CFAP54: variants seen among roughly 807,000 people sequenced by gnomAD.
CFAP54 encodes cilia- and flagella-associated protein 54.
In CFAP54, 290 loss-of-function variants were observed where a neutral mutation model predicts 370.4. The observed-to-expected ratio is 0.78, with a 90% CI of 0.71 to 0.86. CFAP54 has a LOEUF of 0.86. CFAP54 is among the 40% of genes least tolerant of loss of function. CFAP54 has a pLI of 0.00. For missense variants in CFAP54, 3,399 were observed against 3,528.7 expected (o/e 0.96, Z 0.93); for synonymous variants, 1,206 against 1,236.5 (o/e 0.98, Z 0.52).
chr12:96,659,771 GC>G (rs1956971280), intron 38 of CFAP54, among the ~76,000 whole-genome samples: 1 of 152,156 alleles, frequency 6.6e-6, no homozygotes, highest in Non-Finnish European at 1.5e-5. Context: ...CTGCCCAAGG[GC>G]CCCTGGCATA....
intron 66 of CFAP54, among the ~76,000 whole-genome samples, chr12:96,849,612 T>G (rs374427074): frequency 2.0e-5 from 3 of 152,202 alleles, no homozygotes; most frequent in Non-Finnish European, 4.4e-5. Flanking sequence ...ATCTTTATTA[T>G]GATAGAATGT....
At chr12:96,664,691 ATATATC>A (rs1434081475) in intron 39 of CFAP54, among the ~76,000 whole-genome samples, 245 of 15,488 alleles carry the variant, frequency 0.016, 12 homozygotes, top group Admixed American at 0.034. Context: ...TCCTTTGGGT[ATATATC>A]TATATATATA....
In CFAP54 at chr12:96,709,163, A is replaced by G. The variant is rs373957818; in HGVS notation, c.6724+360A>G. Among the ~76,000 whole-genome samples, 4 of 152,314 alleles carry G rather than the reference A, an allele frequency of 2.6e-5. 1 individual carries two copies. Among genetic ancestry groups the G allele is most frequent in the East Asian group, 1.9e-4 (1 of 5,182 alleles). On this transcript the variant is annotated intron_variant, in intron 48 of 67. Transcript: ENST00000524981. ...CAAGTCTACTGCTTTGCTTTGGTCC[A>G]TTATATTGACTGTATAGTATTCTAG...
At position 96,854,334 on chromosome 12, in the gene CFAP54, A is replaced by AAAC. The variant is rs568220306; in HGVS notation, c.9172-6467_9172-6465dup. Among the ~76,000 whole-genome samples, 34 of 152,252 alleles carry AAAC rather than the reference A, an allele frequency of 2.2e-4. No homozygotes were observed. The South Asian group carries it at 5.4e-3, about 24-fold the overall frequency. On this transcript the variant is annotated intron_variant, in intron 66 of 67. Transcript: ENST00000524981. ...AATAAAAAATAGTAGCGAAATAGCAAAACAACAACAACAACAACAAAGATG... is the reference window on the plus strand; with the variant it reads ...AATAAAAAATAGTAGCGAAATAGCAAAACAACAACAACAACAACAACAAAGATG...
At chr12:96,622,388 T>G (rs532005852) in intron 27 of CFAP54, among the ~76,000 whole-genome samples, 1 of 133,304 alleles carries the variant, frequency 7.5e-6, no homozygotes, top group Non-Finnish European at 1.6e-5. Context: ...TCTCACTCTA[T>G]AGTCTAAGCT....
intron 38 of CFAP54, among the ~76,000 whole-genome samples, chr12:96,663,177 C>T (rs866288525): frequency 6.6e-6 from 1 of 152,128 alleles, no homozygotes. Flanking sequence ...GCTGCATTTA[C>T]TTCTCATTAT....
chr12:96,660,584 G>C (rs1450484849), intron 38 of CFAP54, among the ~76,000 whole-genome samples: 1 of 152,076 alleles, frequency 6.6e-6, no homozygotes, highest in East Asian at 1.9e-4. Flanking sequence ...TCTCTGGAGG[G>C]GAAAAAATAA....
chr12:96,563,855 A>G (rs1955838850), intron 17 of CFAP54, among the ~76,000 whole-genome samples: 1 of 152,222 alleles, frequency 6.6e-6, no homozygotes, highest in African/African-American at 2.4e-5. Flanking sequence ...CTGGGCTAGT[A>G]TAGTTGTATA....
intron 66 of CFAP54, among the ~76,000 whole-genome samples, chr12:96,852,768 A>G (rs1411366927): frequency 1.3e-5 from 2 of 152,136 alleles, no homozygotes; most frequent in Non-Finnish European, 2.9e-5. Context: ...TTTCTAGATT[A>G]TATTAAGAAT....
intron 45 of CFAP54, among the ~76,000 whole-genome samples, chr12:96,698,637 T>C (rs117357859): frequency 0.011 from 1,714 of 152,124 alleles, 62 homozygotes; most frequent in East Asian, 0.097. Flanking sequence ...TAAGGACACA[T>C]GGACACAAAG....
intron 64 of CFAP54, among the ~76,000 whole-genome samples, chr12:96,813,330 C>T (rs1213282806): frequency 1.3e-5 from 2 of 152,068 alleles, no homozygotes; most frequent in Non-Finnish European, 2.9e-5. Context: ...AACTATTTCT[C>T]TCATCCTGGG....
chr12:96,704,842 T>C (rs773236196), intron 47 of CFAP54, 46 bp downstream of exon 47: 1 of 738,510 alleles, frequency 1.4e-6, no homozygotes, highest in South Asian at 1.9e-5. Flanking sequence ...TAAGTGTGGA[T>C]AATTTTTGAG....
At chr12:96,778,928 T>C (rs909927897) in intron 60 of CFAP54, among the ~76,000 whole-genome samples, 1 of 151,866 alleles carries the variant, frequency 6.6e-6, no homozygotes, top group Non-Finnish European at 1.5e-5. Flanking sequence ...GCCAACATGG[T>C]GAAACCCTGT....
chr12:96,508,698 A>C (rs956772528), intron 4 of CFAP54, among the ~76,000 whole-genome samples: 1 of 132,732 alleles, frequency 7.5e-6, no homozygotes, highest in Non-Finnish European at 1.6e-5. Context: ...TGTGCTCTAG[A>C]TTTTATTCTG....
intron 46 of CFAP54, 64 bp from the exon 47 acceptor site, chr12:96,704,679 T>C: frequency 1.6e-6 from 1 of 634,192 alleles, no homozygotes; most frequent in East Asian, 3.8e-5. Context: ...ACACATTAAA[T>C]GTTTTATTGA....
chr12:96,606,628 G>A (rs1370606613), intron 26 of CFAP54, among the ~76,000 whole-genome samples: 3 of 152,136 alleles, frequency 2.0e-5, no homozygotes, highest in Non-Finnish European at 2.9e-5. Context: ...ACACATCCCC[G>A]ACTTTTCTCT....
chr12:96,712,833 A>T (rs1957629447), intron 48 of CFAP54, among the ~76,000 whole-genome samples: 1 of 152,178 alleles, frequency 6.6e-6, no homozygotes, highest in Admixed American at 6.6e-5. Context: ...AAATAACCCA[A>T]TAGCAAAAGA....
At chr12:96,631,849 T>G (rs533720180) in intron 32 of CFAP54, among the ~76,000 whole-genome samples, 6 of 151,910 alleles carry the variant, frequency 3.9e-5, no homozygotes, top group African/African-American at 1.4e-4. Context: ...TTCTTGTATA[T>G]GTCTCCTTAT....
chr12:96,833,624 T>G (rs7962891), intron 66 of CFAP54, among the ~76,000 whole-genome samples: 122,335 of 151,678 alleles, frequency 0.81, 49,966 homozygotes, highest in African/African-American at 0.94. Context: ...AAGTGGAAAA[T>G]GTTATCCTAG....
Sources: allele counts gnomAD v4.1 joint callset (sites outside exome capture counted in the v4.1 genomes callset), GRCh38; gene constraint gnomAD v4.1.1; transcripts MANE v1.5; gene names NCBI Gene and HGNC (gene_info 2026-07-23, HGNC 2026-07-21).